PDE4D: variants seen among roughly 807,000 people sequenced by gnomAD.
The protein encoded by PDE4D is 3',5'-cyclic-AMP phosphodiesterase 4D.
PDE4D carries 24 observed loss-of-function variants against 87.4 expected under a neutral mutation model. That is an observed-to-expected ratio of 0.27 (90% CI 0.20 to 0.39). The LOEUF (loss-of-function observed/expected upper bound fraction) is 0.39. Ranked by LOEUF, PDE4D falls within the 10% of genes least tolerant of loss-of-function variation. PDE4D has a pLI of 1.00. For synonymous variants in PDE4D, 384 were observed against 383.2 expected (o/e 1.00, Z -0.02); for missense variants, 714 against 1,041.0 (o/e 0.69, Z 4.32).
intron 3 of PDE4D, among the ~76,000 whole-genome samples, chr5:59,981,752 C>A (rs1403872226): frequency 6.6e-6 from 1 of 152,056 alleles, no homozygotes; most frequent in Non-Finnish European, 1.5e-5. Context: ...ACCCTTATAT[C>A]CAAATTATTT....
chr5:58,980,339 A>C (rs1388011322), intron 11 of PDE4D, among the ~76,000 whole-genome samples: 2 of 152,196 alleles, frequency 1.3e-5, no homozygotes, highest in African/African-American at 4.8e-5. Flanking sequence ...ACTTAAAACC[A>C]GGCAGTTTCT....
intron 1 of PDE4D, among the ~76,000 whole-genome samples, chr5:59,450,290 A>C (rs1035793941): frequency 6.6e-6 from 1 of 152,216 alleles, no homozygotes; most frequent in East Asian, 1.9e-4. Flanking sequence ...TATGAACTAT[A>C]AGTAAGATGG....
At chr5:60,282,208 CATATATATATATATATAT>C (rs140298004) in intron 1 of PDE4D, among the ~76,000 whole-genome samples, 6 of 128,380 alleles carry the variant, frequency 4.7e-5, no homozygotes, top group African/African-American at 5.7e-5. Context: ...GAGAAATAAA[CATATATATATATATATAT>C]ATATATATAT....
chr5:60,036,116 G>T (rs143747563), intron 2 of PDE4D, among the ~76,000 whole-genome samples: 96 of 152,192 alleles, frequency 6.3e-4, no homozygotes, highest in Middle Eastern at 3.4e-3. Context: ...ATTCATTTTG[G>T]GTTGATATGA....
chr5:59,691,813 A>G (rs1750998338), intron 1 of PDE4D, among the ~76,000 whole-genome samples: 2 of 152,064 alleles, frequency 1.3e-5, no homozygotes, highest in Admixed American at 6.6e-5. Context: ...TAATAATGAA[A>G]GTTGTATGTA....
At chr5:59,707,946 T>C (rs1438614991) in intron 1 of PDE4D, among the ~76,000 whole-genome samples, 1 of 152,186 alleles carries the variant, frequency 6.6e-6, no homozygotes, top group African/African-American at 2.4e-5. Context: ...TGTAACAGAA[T>C]GATTTATATT....
chr5:60,285,769 A>G (rs1752364925), intron 1 of PDE4D, among the ~76,000 whole-genome samples: 1 of 152,206 alleles, frequency 6.6e-6, no homozygotes, highest in Admixed American at 6.5e-5. Context: ...AATTCATCAA[A>G]TATGGATTGC....
intron 1 of PDE4D, among the ~76,000 whole-genome samples, chr5:59,636,485 G>A (rs1200427924): frequency 6.6e-6 from 1 of 152,058 alleles, no homozygotes; most frequent in Non-Finnish European, 1.5e-5. Flanking sequence ...GAAGCATCAA[G>A]CTACCTGACT....
intron 3 of PDE4D, among the ~76,000 whole-genome samples, chr5:59,191,907 C>CTA (rs1420547269): frequency 1.3e-5 from 2 of 152,058 alleles, no homozygotes; most frequent in African/African-American, 4.8e-5. Flanking sequence ...AAACCCTCAG[C>CTA]TTTATAAGAT....
intron 1 of PDE4D, chr5:59,768,445 T>A (rs749340482): frequency 6.3e-7 from 1 of 1,598,358 alleles, no homozygotes; most frequent in Non-Finnish European, 8.5e-7. Context: ...CAGCCACGGG[T>A]TTGGACAATG....
rs543282766 is a variant in PDE4D, at chr5:60,294,539, T to C, written c.-89-108852A>G. Among the ~76,000 whole-genome samples, 106 of 152,288 alleles carry C rather than the reference T, an allele frequency of 7.0e-4. 1 individual carries two copies. The highest frequency in any genetic ancestry group is 2.4e-3 in the African/African-American group (101 of 41,570). On this transcript the variant is annotated intron_variant, in intron 1 of 16. Transcript: ENST00000502484. The stretch of plus-strand genomic sequence containing the variant: ...ATCTTGAATTGATTTTTGTCTGAGG[T>C]GTGAATTTAGGGAGTGAAAATTTAT...
chr5:60,227,419 T>C (rs1367823370), intron 1 of PDE4D, among the ~76,000 whole-genome samples: 2 of 152,062 alleles, frequency 1.3e-5, no homozygotes, highest in East Asian at 1.9e-4. Flanking sequence ...GTTTTGTTCA[T>C]TGATAGATCC....
intron 5 of PDE4D, among the ~76,000 whole-genome samples, chr5:59,058,628 C>A (rs193148283): frequency 1.6e-4 from 24 of 152,238 alleles, no homozygotes; most frequent in Middle Eastern, 3.4e-3. Flanking sequence ...TTTAGTCCCC[C>A]AACTCCCCTC....
intron 1 of PDE4D, among the ~76,000 whole-genome samples, chr5:59,572,378 T>C (rs1363152224): frequency 6.6e-6 from 1 of 152,156 alleles, no homozygotes; most frequent in African/African-American, 2.4e-5. Flanking sequence ...TGGATTATCC[T>C]TTTCTTATAC....
chr5:60,364,821 A>G (rs970437628), intron 1 of PDE4D, among the ~76,000 whole-genome samples: 8 of 152,244 alleles, frequency 5.3e-5, no homozygotes, highest in South Asian at 2.1e-4. Flanking sequence ...CTGTTTTTAA[A>G]ACCAAAATAT....
intron 1 of PDE4D, among the ~76,000 whole-genome samples, chr5:59,573,073 T>G (rs901268226): frequency 1.9e-4 from 29 of 152,188 alleles, no homozygotes; most frequent in African/African-American, 6.5e-4. Context: ...GCTTCCTGAT[T>G]TACCCTGGAT....
chr5:59,780,573 C>T (rs1032544261), intron 1 of PDE4D, among the ~76,000 whole-genome samples: 7 of 152,160 alleles, frequency 4.6e-5, no homozygotes, highest in African/African-American at 1.4e-4. Context: ...ATAGATTGTG[C>T]TAAGCATGTA....
At chr5:59,488,629 A>G (rs1315115908) in intron 1 of PDE4D, among the ~76,000 whole-genome samples, 1 of 152,086 alleles carries the variant, frequency 6.6e-6, no homozygotes, top group Non-Finnish European at 1.5e-5. Context: ...TATATATTCA[A>G]TAGAACAATA....
chr5:59,585,655 C>G (rs1824997763), intron 1 of PDE4D, among the ~76,000 whole-genome samples: 1 of 152,184 alleles, frequency 6.6e-6, no homozygotes, highest in African/African-American at 2.4e-5. Flanking sequence ...TAAACTCCAG[C>G]AAGAAATGGC....
Sources: allele counts gnomAD v4.1 joint callset (sites outside exome capture counted in the v4.1 genomes callset), GRCh38; gene constraint gnomAD v4.1.1; transcripts MANE v1.5; gene names NCBI Gene and HGNC (gene_info 2026-07-23, HGNC 2026-07-21).